DYSF: variants seen among roughly 807,000 people sequenced by gnomAD.
DYSF encodes dystrophy-associated fer-1-like 1.
DYSF carries 212 observed loss-of-function variants against 274.9 expected under a neutral mutation model. That is an observed-to-expected ratio of 0.77 (90% CI 0.69 to 0.86). DYSF has a LOEUF of 0.86. Ranked by LOEUF, DYSF falls within the 40% of genes least tolerant of loss-of-function variation. The pLI is 0.00. For missense variants in DYSF, 2,666 were observed against 2,783.2 expected (o/e 0.96, Z 0.95); for synonymous variants, 1,091 against 1,078.7 (o/e 1.01, Z -0.22).
intron 29 of DYSF, 132 bp from the exon 30 acceptor site, chr2:71,574,066 C>T (rs1019993111): frequency 2.8e-5 from 32 of 1,160,916 alleles, no homozygotes; most frequent in Admixed American, 4.3e-5. Context: ...CCAGGTTTTC[C>T]CACCTGGAGG....
Position 71,679,040 on chromosome 2 carries a change from C to T in DYSF, c.5885-17C>T. The T allele has an allele frequency of 6.2e-7, 1 of 1,613,740 alleles. No homozygotes were observed. Among genetic ancestry groups the T allele is most frequent in the Non-Finnish European group, 8.5e-7 (1 of 1,179,752 alleles). On this transcript the variant is annotated splice_polypyrimidine_tract_variant and intron_variant, in intron 52 of 55. Transcript: ENST00000410020. ...TGATCGAGAAACCCTTGGCCAAAAA[C>T]TACCTCTCTGTTGCAGGCTCCCTGC...
rs886042492 is a variant in DYSF at position 71,664,320 on chromosome 2, C to G, written c.5056C>G (p.Leu1686Val). ...LPLEKDLKITLYDYDLLSKDE... is the reference protein window; with the variant it reads ...LPLEKDLKITVYDYDLLSKDE... Reference sequence around the variant, plus strand: ...TCTGGAGAAGGACCTAAAGATCACTCTCTATGACTATGACCTCCTCTCCAA... The same window carrying G: ...TCTGGAGAAGGACCTAAAGATCACTGTCTATGACTATGACCTCCTCTCCAA... Residue 1686 changes from leucine (L) to valine (V), a missense_variant, in exon 46 of 56, where the codon CTC becomes GTC. Physicochemically the swap from Leu to Val is conservative, Grantham distance 32. This residue lies in a region of DYSF where 1,460 missense variants were observed against 1,502.1 expected (regional missense o/e 0.97). Coordinates refer to ENST00000410020, the MANE Select transcript of DYSF (RefSeq NM_001130987.2). The G allele has an allele frequency of 3.1e-6, 5 of 1,614,084 alleles. No homozygotes were observed. Among genetic ancestry groups the G allele is most frequent in the Non-Finnish European group, 2.5e-6 (3 of 1,180,034 alleles).
chr2:71,648,210 T>G (rs2094597717), intron 42 of DYSF, among the ~76,000 whole-genome samples: 1 of 152,196 alleles, frequency 6.6e-6, no homozygotes. Context: ...TGAAATGCTT[T>G]GCTATGAACT....
At chr2:71,509,048 G>T (rs955159797) in intron 4 of DYSF, among the ~76,000 whole-genome samples, 1 of 151,820 alleles carries the variant, frequency 6.6e-6, no homozygotes, top group African/African-American at 2.4e-5. Flanking sequence ...GAGATGGGGG[G>T]TTTTACCATG....
At chr2:71,613,051 CA>C (rs1363990376) in intron 39 of DYSF, among the ~76,000 whole-genome samples, 1 of 151,440 alleles carries the variant, frequency 6.6e-6, no homozygotes, top group African/African-American at 2.4e-5. Flanking sequence ...AAAGTGGGCC[CA>C]GGGGGAGGGA....
rs2094857590 is a variant in DYSF at position 71,660,425 on chromosome 2, T to C, written c.4912-135T>C. ...GTGTGGTGTGTGGGAGGGGGCCCTGTCTTGGCAGGACACAGCCCACATCTC... is the reference window on the plus strand; with the variant it reads ...GTGTGGTGTGTGGGAGGGGGCCCTGCCTTGGCAGGACACAGCCCACATCTC... On this transcript the variant is annotated intron_variant, in intron 44 of 55. Coordinates refer to ENST00000410020, the MANE Select transcript of DYSF (RefSeq NM_001130987.2). 3.9e-6 allele frequency: 3 copies of C among 760,422 alleles called. No homozygotes were observed. In the Admixed American group the frequency reaches 5.8e-5, roughly 15 times the overall value. The allele number at this position is 760,422 out of a possible 1,614,324, so 47.1% of individuals were successfully genotyped here. A position where few individuals can be genotyped will look rare whatever the true frequency, so the allele number is the denominator to read the frequency against.
intron 42 of DYSF, among the ~76,000 whole-genome samples, chr2:71,648,520 C>T (rs1274928436): frequency 7.1e-6 from 1 of 140,626 alleles, no homozygotes; most frequent in Non-Finnish European, 1.5e-5. Context: ...TTGGAGTCTC[C>T]AAGGAAGACA....
At chr2:71,493,194 C>T (rs1447174839) in intron 3 of DYSF, among the ~76,000 whole-genome samples, 1 of 152,092 alleles carries the variant, frequency 6.6e-6, no homozygotes, top group African/African-American at 2.4e-5. Context: ...TGGCTGATAC[C>T]ATACTTTTAT....
chr2:71,520,103 T>A (rs2087090893), intron 10 of DYSF, 75 bp from the exon 11 acceptor site: 4 of 1,562,234 alleles, frequency 2.6e-6, no homozygotes, highest in Non-Finnish European at 2.6e-6. Context: ...TTTAATGGAA[T>A]CATATAATGC....
chr2:71,619,956 A>G lies in DYSF; in HGVS notation c.4465-591A>G, dbSNP rs144322260. ...GCAAGGAGCTGATGCTCAGAAAAGG[A>G]TGCAGAAAGTGATTTGTAGCATGGA... On this transcript the variant is annotated intron_variant, in intron 40 of 55. Transcript: ENST00000410020. Among the ~76,000 whole-genome samples, 563 of 152,338 alleles carry G rather than the reference A, an allele frequency of 3.7e-3. 1 individual carries two copies. The highest frequency in any genetic ancestry group is 0.013 in the African/African-American group (543 of 41,584).
intron 41 of DYSF, among the ~76,000 whole-genome samples, chr2:71,632,797 A>G (rs114919696): frequency 0.012 from 1,810 of 151,712 alleles, 29 homozygotes; most frequent in African/African-American, 0.042. Context: ...TCTATCTTAG[A>G]CTCCTGAATT....
chr2:71,632,346 T>C (rs988977497), intron 41 of DYSF, among the ~76,000 whole-genome samples: 1 of 152,160 alleles, frequency 6.6e-6, no homozygotes, highest in Admixed American at 6.5e-5. Flanking sequence ...AAATATAAAA[T>C]ATTTGAAAAG....
intron 30 of DYSF, among the ~76,000 whole-genome samples, chr2:71,589,300 C>T (rs532851992): frequency 1.3e-5 from 2 of 152,326 alleles, no homozygotes; most frequent in East Asian, 1.9e-4. Context: ...AGAGCCCCTT[C>T]GGGTCATTCC....
At position 71,664,294 on chromosome 2, in the gene DYSF, C is replaced by T. The variant is rs1249614801; in HGVS notation, c.5030C>T (p.Pro1677Leu). ...ATGTTCGAGCTGACCTGCACTCTGCCTCTGGAGAAGGACCTAAAGATCACT... is the reference window on the plus strand; with the variant it reads ...ATGTTCGAGCTGACCTGCACTCTGCTTCTGGAGAAGGACCTAAAGATCACT... ...GKMFELTCTL[P>L]LEKDLKITLY... The change falls in exon 46 of 56, where the codon CCT (proline) becomes CTT (leucine). Residue 1677 changes from proline (P) to leucine (L), a missense_variant. Coordinates refer to ENST00000410020, the MANE Select transcript of DYSF (RefSeq NM_001130987.2). 1.9e-6 allele frequency: 3 copies of T among 1,614,050 alleles called. No individual in the cohort carries two copies. The highest frequency in any genetic ancestry group is 2.7e-5 in the African/African-American group (2 of 74,914).
At chr2:71,542,627 C>T (rs1232394131) in intron 17 of DYSF, among the ~76,000 whole-genome samples, 1 of 152,074 alleles carries the variant, frequency 6.6e-6, no homozygotes, top group African/African-American at 2.4e-5. Flanking sequence ...CATCTTGCAC[C>T]GCCCTTAATC....
chr2:71,524,694 G>A (rs1015857117), intron 12 of DYSF, among the ~76,000 whole-genome samples: 1 of 152,212 alleles, frequency 6.6e-6, no homozygotes, highest in African/African-American at 2.4e-5. Flanking sequence ...CAGATCTTTT[G>A]TCTGTTCCTC....
chr2:71,637,499 C>T (rs1461214237), intron 41 of DYSF, among the ~76,000 whole-genome samples: 4 of 152,042 alleles, frequency 2.6e-5, no homozygotes, highest in African/African-American at 9.7e-5. Context: ...GGGGAGAGGG[C>T]CAGTGTGGCA....
At chr2:71,591,681 T>C (rs1261488452) in intron 32 of DYSF, among the ~76,000 whole-genome samples, 2 of 152,232 alleles carry the variant, frequency 1.3e-5, no homozygotes, top group Non-Finnish European at 2.9e-5. Flanking sequence ...TGCTGTTTGG[T>C]TGAGTAGAAC....
At position 71,568,279 on chromosome 2, in the gene DYSF, C is replaced by T. The variant is rs2152811394; in HGVS notation, c.2805C>T (p.Ser935=). 1 of 1,614,238 alleles carries T rather than the reference C, an allele frequency of 6.2e-7. No individual in the cohort carries two copies. The highest frequency in any genetic ancestry group is 1.7e-5 in the Admixed American group (1 of 60,034). The part of the protein sequence containing the change: ...VTGKIKLPKD[S]FRPSAGWTWA... ...GCAAGATCAAGCTACCCAAGGACAGCTTCCGCCCCTCGGCCGGCTGGACCT... is the reference window on the plus strand; with the variant it reads ...GCAAGATCAAGCTACCCAAGGACAGTTTCCGCCCCTCGGCCGGCTGGACCT... The change falls in exon 26 of 56, where the codon AGC becomes AGT. Residue 935 remains serine, a synonymous_variant. Coordinates refer to ENST00000410020, the MANE Select transcript of DYSF (RefSeq NM_001130987.2).
Sources: allele counts gnomAD v4.1 joint callset (sites outside exome capture counted in the v4.1 genomes callset), GRCh38; gene constraint gnomAD v4.1.1; regional missense constraint gnomAD v4.1.1; transcripts MANE v1.5; gene names NCBI Gene and HGNC (gene_info 2026-07-23, HGNC 2026-07-21).